RIMS2: variants seen among roughly 807,000 people sequenced by gnomAD.
The protein encoded by RIMS2 is regulating synaptic membrane exocytosis 2.
In RIMS2, 59 loss-of-function variants were observed where a neutral mutation model predicts 174.4. The ratio of observed to expected loss-of-function variants is 0.34; its 90% CI spans 0.27 to 0.42. The LOEUF is 0.42. Ranked by LOEUF, RIMS2 falls within the 10% of genes least tolerant of loss-of-function variation. RIMS2 has a pLI of 1.00. For missense variants in RIMS2, 1,620 were observed against 1,666.3 expected, an observed-to-expected ratio of 0.97 and a Z score of 0.48; for synonymous variants, 606 against 572.5, an observed-to-expected ratio of 1.06 and a Z score of -0.84.
At chr8:103,929,636 C>T (rs1183213441) in intron 11 of RIMS2, among the ~76,000 whole-genome samples, 1 of 151,678 alleles carries the variant, frequency 6.6e-6, no homozygotes, top group African/African-American at 2.4e-5. Flanking sequence ...CCATAGAAAT[C>T]AGTTGGGTTT....
chr8:104,092,241 G>A (rs561100692), intron 19 of RIMS2, among the ~76,000 whole-genome samples: 3 of 151,788 alleles, frequency 2.0e-5, no homozygotes, highest in Non-Finnish European at 3.0e-5. Context: ...ATTGTCATTC[G>A]TGGGGGATTG....
At chr8:103,515,547 C>T (rs6997310) in intron 1 of RIMS2, among the ~76,000 whole-genome samples, 7,338 of 152,062 alleles carry the variant, frequency 0.048, 589 homozygotes, top group African/African-American at 0.17. Context: ...ATTCTGATCT[C>T]GTTTCTTTGT....
intron 1 of RIMS2, among the ~76,000 whole-genome samples, chr8:103,553,086 CT>C (rs1182385277): frequency 2.0e-5 from 3 of 152,102 alleles, no homozygotes; most frequent in African/African-American, 4.8e-5. Flanking sequence ...CCCAGCCATC[CT>C]ATTACTGGGT....
At chr8:103,934,014 T>C (rs1235406475) in intron 12 of RIMS2, among the ~76,000 whole-genome samples, 1 of 152,128 alleles carries the variant, frequency 6.6e-6, no homozygotes, top group East Asian at 1.9e-4. Context: ...TTCTAGGTAA[T>C]GTACTGTGTA....
intron 1 of RIMS2, among the ~76,000 whole-genome samples, chr8:103,618,275 C>T (rs1324290763): frequency 6.6e-6 from 1 of 151,982 alleles, no homozygotes; most frequent in East Asian, 1.9e-4. Flanking sequence ...TAAATTATAA[C>T]TTAATGAACA....
intron 2 of RIMS2, among the ~76,000 whole-genome samples, chr8:103,723,281 G>T (rs1273519806): frequency 6.6e-6 from 1 of 152,122 alleles, no homozygotes; most frequent in Non-Finnish European, 1.5e-5. Flanking sequence ...GATTATTCAC[G>T]ATCTTTTGGA....
intron 3 of RIMS2, among the ~76,000 whole-genome samples, chr8:103,776,174 G>A (rs895078244): frequency 6.6e-6 from 1 of 152,060 alleles, no homozygotes; most frequent in African/African-American, 2.4e-5. Context: ...TATGGTGAAG[G>A]GTTCTCAACT....
chr8:104,201,647 C>G (rs942389218), intron 19 of RIMS2, among the ~76,000 whole-genome samples: 2 of 152,046 alleles, frequency 1.3e-5, no homozygotes, highest in Admixed American at 6.6e-5. Flanking sequence ...AGTACTGAAC[C>G]CTTTAAATGA....
At chr8:103,551,304 T>C (rs1442042834) in intron 1 of RIMS2, among the ~76,000 whole-genome samples, 1 of 152,142 alleles carries the variant, frequency 6.6e-6, no homozygotes, top group African/African-American at 2.4e-5. Flanking sequence ...CATACGAATG[T>C]CAATAAACAT....
intron 1 of RIMS2, among the ~76,000 whole-genome samples, chr8:103,620,570 C>G (rs1442883267): frequency 6.6e-6 from 1 of 151,950 alleles, no homozygotes; most frequent in Non-Finnish European, 1.5e-5. Flanking sequence ...GCTGGAATTC[C>G]AAAACATTAA....
chr8:104,023,527 G>T (rs1281862782), intron 19 of RIMS2, among the ~76,000 whole-genome samples: 1 of 152,084 alleles, frequency 6.6e-6, no homozygotes, highest in Non-Finnish European at 1.5e-5. Context: ...ATGACATCCA[G>T]GTTTTTAGCC....
intron 20 of RIMS2, among the ~76,000 whole-genome samples, 164 bp downstream of exon 26, chr8:104,245,221 T>C (rs1251580321): frequency 6.6e-6 from 1 of 152,252 alleles, no homozygotes; most frequent in Non-Finnish European, 1.5e-5. Flanking sequence ...CTGAACAATG[T>C]GACATATCTG....
intron 2 of RIMS2, among the ~76,000 whole-genome samples, chr8:103,756,336 C>A (rs1466470794): frequency 6.7e-6 from 1 of 150,338 alleles, no homozygotes; most frequent in South Asian, 2.1e-4. Context: ...CGTTCCTAGT[C>A]GGCCATCTTG....
intron 19 of RIMS2, among the ~76,000 whole-genome samples, chr8:104,091,086 A>G (rs1188939925): frequency 6.6e-6 from 1 of 151,780 alleles, no homozygotes. Context: ...AGGCACAATT[A>G]TTATCCATAT....
intron 3 of RIMS2, among the ~76,000 whole-genome samples, chr8:103,882,937 C>A (rs1365903809): frequency 6.6e-6 from 1 of 151,396 alleles, no homozygotes; most frequent in Non-Finnish European, 1.5e-5. Context: ...CTTTTTTTAA[C>A]TTCTATCCTA....
intron 2 of RIMS2, among the ~76,000 whole-genome samples, chr8:103,713,500 G>A (rs145226782): frequency 6.6e-6 from 1 of 152,072 alleles, no homozygotes; most frequent in African/African-American, 2.4e-5. Flanking sequence ...AGCCAGAAAG[G>A]TAGGAATCAT....
At chr8:103,931,754 T>TA (rs2079995708) in intron 12 of RIMS2, among the ~76,000 whole-genome samples, 1 of 151,990 alleles carries the variant, frequency 6.6e-6, no homozygotes, top group African/African-American at 2.4e-5. Context: ...GCTTTTTTAG[T>TA]AAAAAAGCTA....
intron 1 of RIMS2, among the ~76,000 whole-genome samples, chr8:103,512,348 T>G (rs1390022251): frequency 6.6e-6 from 1 of 152,178 alleles, no homozygotes; most frequent in Non-Finnish European, 1.5e-5. Context: ...GGCAGTAAAT[T>G]TATAGTAGGC....
chr8:103,790,841 A>T (rs2098490784), intron 3 of RIMS2, among the ~76,000 whole-genome samples: 4 of 152,214 alleles, frequency 2.6e-5, no homozygotes, highest in African/African-American at 9.6e-5. Flanking sequence ...TACATTGTAA[A>T]AAATGGATCT....
Sources: gnomAD v4.1 joint callset for allele counts (sites outside exome capture counted in the v4.1 genomes callset) on GRCh38, gnomAD v4.1.1 for gene constraint, MANE v1.5 for transcripts, NCBI Gene and HGNC (gene_info 2026-07-23, HGNC 2026-07-21) for gene names.